Variants in USP3 observed in about 807,000 individuals in gnomAD.
USP3 encodes ubiquitin carboxyl-terminal hydrolase 3.
USP3 carries 20 observed loss-of-function variants against 72.3 expected under a neutral mutation model. The observed-to-expected ratio is 0.28, with a 90% CI of 0.19 to 0.40. The LOEUF is 0.40. Among genes scored for constraint, USP3 ranks in the 10% least tolerant of loss-of-function variants. The pLI, the probability that USP3 is intolerant of heterozygous loss-of-function variation, is 1.00. For synonymous variants in USP3, 222 were observed against 225.3 expected (o/e 0.99, Z 0.13); for missense variants, 479 against 633.9 (o/e 0.76, Z 2.62).
Position 63,553,505 on chromosome 15 carries a change from A to C in USP3, c.285-210A>C, listed in dbSNP as rs574013360. On this transcript the variant is annotated intron_variant, in intron 3 of 14. Coordinates refer to ENST00000380324, the MANE Select transcript of USP3 (RefSeq NM_006537.4). The surrounding 1 kb of genome is among the most constrained non-coding windows in gnomAD (Gnocchi z 4.2). ...GAGCTTTTGAGTAAAAAACGTGAAA[A>C]GAAGCTCATGTTCATTGCCTACGTG... 5.1e-6 allele frequency: 2 copies of C among 391,692 alleles called. No homozygotes were observed. The highest frequency in any genetic ancestry group is 8.9e-5 in the Admixed American group (2 of 22,460). 24.3% of individuals were successfully genotyped at this position (391,692 alleles called of 1,614,324 possible).
At chr15:63,531,942 A>C (rs911389192) in intron 1 of USP3, among the ~76,000 whole-genome samples, 23 of 152,198 alleles carry the variant, frequency 1.5e-4, no homozygotes, top group African/African-American at 5.3e-4. Flanking sequence ...AAAGCTTTCC[A>C]GGTGATTTTG....
rs999999997 is a variant in USP3 at position 63,546,424 on chromosome 15, T to C, written c.285-7291T>C. Among the ~76,000 whole-genome samples the C allele has an allele frequency of 2.5e-4, 38 of 152,206 alleles. 1 individual carries two copies. The highest frequency in any genetic ancestry group is 2.0e-4 in the Admixed American group (3 of 15,282). On this transcript the variant is annotated intron_variant, in intron 3 of 14. Transcript: ENST00000380324. ...AACACAACCTATGAGTTACGTACTTTTTTGTACCACTTATTCTGGCATAAT... is the reference window on the plus strand; with the variant it reads ...AACACAACCTATGAGTTACGTACTTCTTTGTACCACTTATTCTGGCATAAT...
At chr15:63,546,807 A>G (rs2066335729) in intron 3 of USP3, among the ~76,000 whole-genome samples, 1 of 152,036 alleles carries the variant, frequency 6.6e-6, no homozygotes, top group Non-Finnish European at 1.5e-5. Context: ...ACGGGGTTTC[A>G]CCATGTTAGC....
intron 3 of USP3, among the ~76,000 whole-genome samples, chr15:63,538,806 A>G (rs1283714610): frequency 3.3e-5 from 5 of 152,156 alleles, no homozygotes; most frequent in South Asian, 2.1e-4. Context: ...TCGGCCTCCC[A>G]AAGGGTCTTT....
At chr15:63,582,268 T>TGACA (rs1566917951) in intron 11 of USP3, among the ~76,000 whole-genome samples, 1 of 152,162 alleles carries the variant, frequency 6.6e-6, no homozygotes, top group African/African-American at 2.4e-5. Context: ...CATGAAGAGA[T>TGACA]GACAGTGGTA....
chr15:63,590,177 A>G (rs553278162), intron 14 of USP3, among the ~76,000 whole-genome samples: 1 of 152,180 alleles, frequency 6.6e-6, no homozygotes, highest in African/African-American at 2.4e-5. Context: ...TTATTATTTA[A>G]ATAGGGTTTT....
chr15:63,590,947 T>C lies in USP3; in HGVS notation c.*121T>C, dbSNP rs2067187225. On this transcript the variant is annotated 3_prime_UTR_variant, in exon 15 of 15. Transcript: ENST00000380324. The stretch of plus-strand genomic sequence containing the variant: ...TTCAATTTCCTATTTTGGATTTAGT[T>C]TTGTCAATGGTAGTGACTTACTGAA... 1 of 1,290,178 alleles carries C rather than the reference T, an allele frequency of 7.8e-7. No homozygotes were observed. Among genetic ancestry groups the C allele is most frequent in the Admixed American group, 3.2e-5 (1 of 30,972 alleles). 79.9% of individuals were successfully genotyped at this position (1,290,178 alleles called of 1,614,324 possible).
At chr15:63,520,460 T>C (rs925928828) in intron 1 of USP3, among the ~76,000 whole-genome samples, 18 of 152,174 alleles carry the variant, frequency 1.2e-4, no homozygotes, top group Admixed American at 1.0e-3. Flanking sequence ...AAAAGTACTA[T>C]GTTAAAAAGC....
chr15:63,570,832 A>G lies in USP3; in HGVS notation c.908+253A>G, dbSNP rs1595760050. On this transcript the variant is annotated intron_variant, in intron 9 of 14. Coordinates refer to ENST00000380324, the MANE Select transcript of USP3 (RefSeq NM_006537.4). The surrounding 1 kb of genome is among the most constrained non-coding windows in gnomAD (Gnocchi z 4.4). Reference sequence around the variant, plus strand: ...ATAGATTATTTTAAATTTTGAAAAAATAGAAAATATTTGTACAGTTCAGCA... The same window carrying G: ...ATAGATTATTTTAAATTTTGAAAAAGTAGAAAATATTTGTACAGTTCAGCA... 6.6e-6 allele frequency among the ~76,000 whole-genome samples: 1 copy of G among 152,236 alleles called. No individual in the cohort carries two copies. The highest frequency in any genetic ancestry group is 1.5e-5 in the Non-Finnish European group (1 of 68,040).
chr15:63,588,901 T>C lies in USP3; in HGVS notation c.1330-43T>C. ...ATGGAGAGGGTAGAGGTCATCGAGA[T>C]ACTGATGTCATTGACCACTGCTCCT... On this transcript the variant is annotated intron_variant, in intron 13 of 14. Coordinates refer to ENST00000380324, the MANE Select transcript of USP3 (RefSeq NM_006537.4). This position sits in a 1 kb window ranked among gnomAD's most constrained non-coding sequence, Gnocchi z 4.6. The C allele has an allele frequency of 6.2e-7, 1 of 1,613,354 alleles. No individual in the cohort carries two copies. The highest frequency in any genetic ancestry group is 8.5e-7 in the Non-Finnish European group (1 of 1,179,252).
chr15:63,556,274 A>G (rs1358071623), intron 4 of USP3: 1 of 157,932 alleles, frequency 6.3e-6, no homozygotes, highest in Non-Finnish European at 1.4e-5. Flanking sequence ...AGAAAGAAAT[A>G]GCATATGGAG....
chr15:63,539,375 G>T (rs1255822045), intron 3 of USP3, among the ~76,000 whole-genome samples: 1 of 152,126 alleles, frequency 6.6e-6, no homozygotes, highest in African/African-American at 2.4e-5. Context: ...TTAAATCGCT[G>T]TGTGCTATAA....
At position 63,568,314 on chromosome 15, in the gene USP3, C is replaced by T. The variant is rs1037115130; in HGVS notation, c.762-2119C>T. Among the ~76,000 whole-genome samples the T allele has an allele frequency of 2.7e-5, 4 of 149,482 alleles. No homozygotes were observed. The South Asian group carries it at 6.3e-4, about 24-fold the overall frequency. On this transcript the variant is annotated intron_variant, in intron 8 of 14. Coordinates refer to ENST00000380324, the MANE Select transcript of USP3 (RefSeq NM_006537.4). ...AGGTTGCAGTGAGCCAAGATAGCAC[C>T]GTTGCACTCCAGCCTGACGACAGAG...
chr15:63,584,808 G>C (rs894250046), intron 11 of USP3, among the ~76,000 whole-genome samples: 6 of 152,128 alleles, frequency 3.9e-5, no homozygotes, highest in African/African-American at 1.4e-4. Context: ...CCTGTGCTTT[G>C]GGTGTCATAT....
rs1253983442 is a variant in USP3 at position 63,588,346 on chromosome 15, A to G, written c.1138A>G (p.Thr380Ala). The G allele has an allele frequency of 6.2e-7, 1 of 1,600,868 alleles. No homozygotes were observed. ...TACCGACTTAGAAGAACTTGATGAG[A>G]CAGAGTTATATATGTGCCATAAATG... ...SFTDLEELDE[T>A]ELYMCHKCKK... The change falls in exon 12 of 15, where the codon ACA becomes GCA. Residue 380 changes from threonine (T) to alanine (A), a missense_variant. Physicochemically the swap from Thr to Ala is moderately conservative, Grantham distance 58 (BLOSUM62 0). Transcript: ENST00000380324. The surrounding 1 kb of genome is among the most constrained non-coding windows in gnomAD (Gnocchi z 4.6).
chr15:63,577,928 CAAA>C lies in USP3; in HGVS notation c.1096+3541_1096+3543del, dbSNP rs60885501. Among the ~76,000 whole-genome samples the C allele has an allele frequency of 9.1e-3, 1,111 of 122,654 alleles. 12 individuals are homozygous for C. Among genetic ancestry groups the C allele is most frequent in the African/African-American group, 0.028 (952 of 33,946 alleles). 80.5% of individuals were successfully genotyped at this position (122,654 alleles called of 152,430 possible). ...TGGGTGAGAGAGTGAGACCCTGCCT[CAAA>C]AAAAAAAAAAAAAAAGTCCAAATAG... On this transcript the variant is annotated intron_variant, in intron 11 of 14. Coordinates refer to ENST00000380324, the MANE Select transcript of USP3 (RefSeq NM_006537.4).
chr15:63,581,893 C>T (rs2152682253), intron 11 of USP3, among the ~76,000 whole-genome samples: 1 of 150,018 alleles, frequency 6.7e-6, no homozygotes, highest in South Asian at 2.1e-4. Flanking sequence ...CCCTTTTGCC[C>T]AGGCTGGTCT....
intron 1 of USP3, among the ~76,000 whole-genome samples, chr15:63,518,583 C>G (rs1025587169): frequency 1.3e-5 from 2 of 152,160 alleles, no homozygotes; most frequent in African/African-American, 4.8e-5. Flanking sequence ...TAATTTTATA[C>G]TCAGAGAAAC....
intron 3 of USP3, among the ~76,000 whole-genome samples, chr15:63,542,933 C>T (rs1464213274): frequency 5.9e-5 from 9 of 152,192 alleles, no homozygotes; most frequent in African/African-American, 2.4e-5. Context: ...TGAAATGATA[C>T]AATAGAATAG....
Sources: allele counts gnomAD v4.1 joint callset (sites outside exome capture counted in the v4.1 genomes callset), GRCh38; gene constraint gnomAD v4.1.1; non-coding constraint Gnocchi (gnomAD v3.1); transcripts MANE v1.5; gene names NCBI Gene and HGNC (gene_info 2026-07-23, HGNC 2026-07-21).